Variants in COL14A1 observed in about 807,000 individuals in gnomAD.
COL14A1 encodes the protein collagen alpha-1(XIV) chain.
Under a neutral mutation model 230.3 loss-of-function variants are expected in COL14A1, and 136 were observed. That is an observed-to-expected ratio of 0.59 (90% CI 0.51 to 0.68). The LOEUF is 0.68. Ranked by LOEUF, COL14A1 falls within the 30% of genes least tolerant of loss-of-function variation. The pLI is 0.00. For synonymous variants in COL14A1, 792 were observed against 784.1 expected, an observed-to-expected ratio of 1.01 and a Z score of -0.17; for missense variants, 1,976 against 2,215.8, an observed-to-expected ratio of 0.89 and a Z score of 2.17.
intron 8 of COL14A1, among the ~76,000 whole-genome samples, chr8:120,200,715 T>TATATATA (rs1817211385): frequency 1.2e-5 from 1 of 85,778 alleles, no homozygotes; most frequent in Non-Finnish European, 2.4e-5. Flanking sequence ...GTTTTCCTAT[T>TATATATA]TATATATATA....
In COL14A1 at chr8:120,371,587, T is replaced by C. The variant is rs1277706780; in HGVS notation, c.*356T>C. 1.5e-5 allele frequency: 6 copies of C among 398,428 alleles called. No homozygotes were observed. Among genetic ancestry groups the C allele is most frequent in the African/African-American group, 1.2e-4 (6 of 48,592 alleles). 24.7% of individuals were successfully genotyped at this position (398,428 alleles called of 1,614,324 possible). Reference sequence around the variant, plus strand: ...AATGAACAAACAGATATGATTGTGTTTGAGGGAAATATGTCCCTAGCAGGA... The same window carrying C: ...AATGAACAAACAGATATGATTGTGTCTGAGGGAAATATGTCCCTAGCAGGA... On this transcript the variant is annotated 3_prime_UTR_variant, in exon 48 of 48. Coordinates refer to ENST00000297848, the MANE Select transcript of COL14A1 (RefSeq NM_021110.4).
chr8:120,294,747 A>C (rs1308708568), intron 34 of COL14A1, among the ~76,000 whole-genome samples: 2 of 151,820 alleles, frequency 1.3e-5, no homozygotes, highest in South Asian at 2.1e-4. Flanking sequence ...AAGGCTGAGG[A>C]ATCTAAACTA....
At chr8:120,244,580 C>T (rs568064157) in intron 20 of COL14A1, among the ~76,000 whole-genome samples, 1 of 152,302 alleles carries the variant, frequency 6.6e-6, no homozygotes, top group African/African-American at 2.4e-5. Context: ...TTGTATCCTT[C>T]TTATGGCTTT....
chr8:120,142,838 A>G (rs889009384), intron 1 of COL14A1, among the ~76,000 whole-genome samples: 9 of 152,236 alleles, frequency 5.9e-5, no homozygotes, highest in African/African-American at 2.2e-4. Context: ...GATATTTAAA[A>G]AAAGCTTAGT....
At chr8:120,343,868 T>C (rs1162580253) in intron 44 of COL14A1, among the ~76,000 whole-genome samples, 2 of 152,214 alleles carry the variant, frequency 1.3e-5, no homozygotes, top group Admixed American at 1.3e-4. Context: ...AGCAGATCAT[T>C]ATTTTCAGAA....
At chr8:120,239,290 T>C (rs1818546084) in intron 19 of COL14A1, among the ~76,000 whole-genome samples, 1 of 152,230 alleles carries the variant, frequency 6.6e-6, no homozygotes, top group African/African-American at 2.4e-5. Flanking sequence ...TTGCATTTCT[T>C]GCCCTCTGCT....
At chr8:120,342,761 A>AT (rs1017245340) in intron 44 of COL14A1, among the ~76,000 whole-genome samples, 2 of 152,010 alleles carry the variant, frequency 1.3e-5, no homozygotes, top group East Asian at 1.9e-4. Context: ...GGTGGGTAGG[A>AT]TTTTTTCTCA....
chr8:120,167,801 C>T (rs1815958688), intron 4 of COL14A1, among the ~76,000 whole-genome samples: 1 of 152,172 alleles, frequency 6.6e-6, no homozygotes, highest in Non-Finnish European at 1.5e-5. Flanking sequence ...AACCCCATGC[C>T]AGCACTTAAC....
intron 19 of COL14A1, among the ~76,000 whole-genome samples, chr8:120,238,131 C>T (rs1023495735): frequency 1.3e-5 from 2 of 152,150 alleles, no homozygotes; most frequent in Non-Finnish European, 2.9e-5. Flanking sequence ...AGAGTTCGAG[C>T]GCTGTGCTGG....
chr8:120,357,512 G>A (rs1823028852), intron 45 of COL14A1, among the ~76,000 whole-genome samples: 1 of 152,110 alleles, frequency 6.6e-6, no homozygotes, highest in Non-Finnish European at 1.5e-5. Flanking sequence ...TTGTTAGAAG[G>A]GAGTCACTAA....
chr8:120,302,726 T>C lies in COL14A1; in HGVS notation c.4401+1908T>C, dbSNP rs187128754. On this transcript the variant is annotated intron_variant, in intron 36 of 47. Coordinates refer to ENST00000297848, the MANE Select transcript of COL14A1 (RefSeq NM_021110.4). ...AGGATTGCCTTGACTATCCAGGCTC[T>C]TTTGTGGTTCCACATGAATTTTAAA... 8.7e-4 allele frequency among the ~76,000 whole-genome samples: 133 copies of C among 152,340 alleles called. 1 individual carries two copies. Among genetic ancestry groups the C allele is most frequent in the Non-Finnish European group, 1.0e-4 (7 of 68,024 alleles).
chr8:120,347,100 C>T (rs986222130), intron 45 of COL14A1, among the ~76,000 whole-genome samples: 5 of 152,218 alleles, frequency 3.3e-5, no homozygotes, highest in African/African-American at 1.2e-4. Context: ...AGAGCCAGCA[C>T]CTGAGTCATT....
At chr8:120,237,028 T>G (rs185664276) in intron 19 of COL14A1, among the ~76,000 whole-genome samples, 5 of 152,346 alleles carry the variant, frequency 3.3e-5, no homozygotes, top group African/African-American at 1.2e-4. Flanking sequence ...TAGCCCAACC[T>G]TTCGCTCTGG....
At chr8:120,127,022 A>C (rs892722690) in intron 1 of COL14A1, among the ~76,000 whole-genome samples, 3 of 152,162 alleles carry the variant, frequency 2.0e-5, no homozygotes, top group Admixed American at 6.5e-5. Context: ...GAGCAGAGTA[A>C]ATCCACCATT....
chr8:120,173,119 A>G (rs1412886534), intron 5 of COL14A1, among the ~76,000 whole-genome samples: 1 of 152,102 alleles, frequency 6.6e-6, no homozygotes, highest in Non-Finnish European at 1.5e-5. Context: ...TACATTTATT[A>G]TTTGGCATTC....
At chr8:120,247,551 G>C in intron 20 of COL14A1, 62 bp from the exon 21 acceptor site, 1 of 1,524,404 alleles carries the variant, frequency 6.6e-7, no homozygotes, top group Non-Finnish European at 8.9e-7. Context: ...GATGGCATCA[G>C]TGTAGGACAT....
intron 1 of COL14A1, among the ~76,000 whole-genome samples, chr8:120,130,947 C>T (rs1268908437): frequency 6.6e-6 from 1 of 152,110 alleles, no homozygotes; most frequent in Non-Finnish European, 1.5e-5. Context: ...TTAGCTCCTA[C>T]TTATAAGTGA....
At chr8:120,156,518 A>T (rs1815486380) in intron 2 of COL14A1, among the ~76,000 whole-genome samples, 1 of 152,180 alleles carries the variant, frequency 6.6e-6, no homozygotes, top group Admixed American at 6.5e-5. Context: ...AGTGCATTTC[A>T]TCTGGGGTCA....
chr8:120,295,770 C>T (rs1215046378), intron 34 of COL14A1, among the ~76,000 whole-genome samples: 1 of 151,714 alleles, frequency 6.6e-6, no homozygotes, highest in Non-Finnish European at 1.5e-5. Flanking sequence ...CTCATTTAAT[C>T]CTCACAACCA....
Sources: gnomAD v4.1 joint callset for allele counts (sites outside exome capture counted in the v4.1 genomes callset) on GRCh38, gnomAD v4.1.1 for gene constraint, MANE v1.5 for transcripts, NCBI Gene and HGNC (gene_info 2026-07-23, HGNC 2026-07-21) for gene names.